The following QTGAL variants were observed in gnomAD, a reference collection of about 807,000 sequenced individuals.
The protein encoded by QTGAL is BGnT-like protein 1.
chr17:82,979,683 ACAAATTGATTTG>A, the QTGAL span, among the ~76,000 whole-genome samples: 1 of 152,262 alleles, frequency 6.6e-6, no homozygotes, highest in Non-Finnish European at 1.5e-5. Context: ...TCAACTCTAT[ACAAATTGATTTG>A]TAAGTTTAAC....
the QTGAL span, among the ~76,000 whole-genome samples, chr17:82,970,235 G>T: frequency 6.6e-6 from 1 of 152,182 alleles, no homozygotes; most frequent in African/African-American, 2.4e-5. Flanking sequence ...CCAGGCAGGG[G>T]GCTTGGCACA....
chr17:82,957,154 A>T, the QTGAL span: 1 of 1,613,894 alleles, frequency 6.2e-7, no homozygotes, highest in African/African-American at 1.3e-5. Context: ...GTTGACCCCA[A>T]GGGTGACACC....
chr17:83,009,530 G>T, the QTGAL span, among the ~76,000 whole-genome samples: 1 of 152,230 alleles, frequency 6.6e-6, no homozygotes, highest in African/African-American at 2.4e-5. Context: ...AGTTTGCAGG[G>T]CCCTTGGCTC....
chr17:82,957,300 G>A, the QTGAL span: 5 of 1,614,112 alleles, frequency 3.1e-6, no homozygotes, highest in Non-Finnish European at 3.4e-6. Context: ...GCCAGGGCCT[G>A]TGCTGTGGGA....
At chr17:83,032,565 C>G in the QTGAL span, among the ~76,000 whole-genome samples, 4,131 of 137,806 alleles carry the variant, frequency 0.03, 769 homozygotes, top group African/African-American at 0.14. Context: ...GCCCAGCACA[C>G]CCTAATCCTG....
the QTGAL span, among the ~76,000 whole-genome samples, chr17:82,964,103 A>C: frequency 6.6e-6 from 1 of 151,810 alleles, no homozygotes; most frequent in Non-Finnish European, 1.5e-5. Flanking sequence ...TCTACCAAAA[A>C]TAGGAAAAAA....
the QTGAL span, among the ~76,000 whole-genome samples, chr17:82,992,783 A>G: frequency 0.012 from 1,850 of 152,314 alleles, 43 homozygotes; most frequent in African/African-American, 0.042. Flanking sequence ...AATAAGATAT[A>G]AATAGAAACA....
At chr17:83,029,054 C>T in the QTGAL span, among the ~76,000 whole-genome samples, 9 of 152,220 alleles carry the variant, frequency 5.9e-5, no homozygotes, top group Non-Finnish European at 1.2e-4. Context: ...CAAGTCAGGG[C>T]AGTGGCTGCC....
the QTGAL span, among the ~76,000 whole-genome samples, chr17:83,004,648 G>T: frequency 0.015 from 1,763 of 120,660 alleles, 1 homozygote; most frequent in Admixed American, 0.026. Flanking sequence ...TCCGCGTGTG[G>T]GATTCCTGAG....
the QTGAL span, among the ~76,000 whole-genome samples, chr17:83,032,558 C>CCTCTGACCCAGACCG: frequency 6.6e-6 from 1 of 151,728 alleles, no homozygotes; most frequent in African/African-American, 2.4e-5. Context: ...CTCAGGGGCC[C>CCTCTGACCCAGACCG]AGCACACCCT....
At chr17:82,960,000 AC>A in the QTGAL span, among the ~76,000 whole-genome samples, 1 of 152,200 alleles carries the variant, frequency 6.6e-6, no homozygotes, top group African/African-American at 2.4e-5. Context: ...AAAGGTGGAA[AC>A]CCAGTTTTTC....
At chr17:83,046,858 G>T in the QTGAL span, among the ~76,000 whole-genome samples, 1 of 152,178 alleles carries the variant, frequency 6.6e-6, no homozygotes, top group Non-Finnish European at 1.5e-5. Context: ...ACAAAACATG[G>T]TACTTATGTA....
the QTGAL span, chr17:83,006,837 G>T: frequency 2.0e-6 from 2 of 982,148 alleles, no homozygotes; most frequent in Non-Finnish European, 2.4e-6. The surrounding 1 kb of genome is among the most constrained non-coding windows in gnomAD (Gnocchi z 5.8). Flanking sequence ...TCAATCCACT[G>T]GGATAAATGC....
the QTGAL span, among the ~76,000 whole-genome samples, chr17:82,998,010 T>C: frequency 6.7e-6 from 1 of 150,168 alleles, no homozygotes; most frequent in Non-Finnish European, 1.5e-5. Context: ...TCTAGATATA[T>C]ATAGTTACAA....
the QTGAL span, chr17:82,961,082 G>C: frequency 6.2e-7 from 1 of 1,610,312 alleles, no homozygotes; most frequent in South Asian, 1.1e-5. Context: ...GTGGCCGCCT[G>C]TGGGTGGTGG....
the QTGAL span, among the ~76,000 whole-genome samples, chr17:82,946,683 AT>A: frequency 2.6e-5 from 4 of 152,138 alleles, no homozygotes; most frequent in Non-Finnish European, 4.4e-5. Flanking sequence ...ATCAAAACAG[AT>A]AGAGTTCACC....
the QTGAL span, among the ~76,000 whole-genome samples, chr17:83,036,089 G>A: frequency 1.3e-5 from 2 of 152,196 alleles, no homozygotes; most frequent in Non-Finnish European, 2.9e-5. Flanking sequence ...ACTGTGCGGC[G>A]TAAACCCAGC....
chr17:82,948,488 G>C, the QTGAL span: 1 of 152,302 alleles, frequency 6.6e-6, no homozygotes, highest in Non-Finnish European at 1.5e-5. Context: ...CCTCTGGGTG[G>C]GGTGGCGTTT....
At chr17:82,974,038 G>A in the QTGAL span, among the ~76,000 whole-genome samples, 23 of 152,328 alleles carry the variant, frequency 1.5e-4, no homozygotes, top group East Asian at 2.3e-3. Context: ...TCGTGGACCA[G>A]CACTCCACGC....
Sources: gnomAD v4.1 joint callset for allele counts (sites outside exome capture counted in the v4.1 genomes callset) on GRCh38, gnomAD v4.1.1 for gene constraint, Gnocchi (gnomAD v3.1) non-coding constraint, MANE v1.5 for transcripts, NCBI Gene and HGNC (gene_info 2026-07-23, HGNC 2026-07-21) for gene names.